Variants in RASGRF1 observed in about 807,000 individuals in gnomAD.
The protein encoded by RASGRF1 is ras-specific guanine nucleotide-releasing factor 1.
In RASGRF1, 40 loss-of-function variants were observed where a neutral mutation model predicts 138.7. The ratio of observed to expected loss-of-function variants is 0.29; its 90% CI spans 0.22 to 0.38. The LOEUF (loss-of-function observed/expected upper bound fraction) is 0.38, where lower values mean the gene tolerates loss of function less well. Ranked by LOEUF, RASGRF1 falls within the 10% of genes least tolerant of loss-of-function variation. RASGRF1 has a pLI of 1.00. For missense variants in RASGRF1, 1,108 were observed against 1,650.4 expected (o/e 0.67, Z 5.69); for synonymous variants, 614 against 663.2 (o/e 0.93, Z 1.14).
rs927993718 is a variant in RASGRF1 at position 79,068,613 on chromosome 15, T to C, written c.277-4087A>G. On this transcript the variant is annotated intron_variant, in intron 1 of 26. Coordinates refer to ENST00000558480, the MANE Select transcript of RASGRF1 (RefSeq NM_001145648.3). ...ATATATATTTATATATATGTGTATATATACACACACACACACGCTTTTATA... is the reference window on the plus strand; with the variant it reads ...ATATATATTTATATATATGTGTATACATACACACACACACACGCTTTTATA... Among the ~76,000 whole-genome samples, 22 of 146,832 alleles carry C rather than the reference T, an allele frequency of 1.5e-4. No homozygotes were observed. In the East Asian group the frequency reaches 4.2e-3, roughly 28 times the overall value.
intron 1 of RASGRF1, among the ~76,000 whole-genome samples, chr15:79,066,116 T>C (rs1438730080): frequency 6.6e-6 from 1 of 152,036 alleles, no homozygotes; most frequent in African/African-American, 2.4e-5. Flanking sequence ...AGGTGACACA[T>C]AGTGGCAGGC....
chr15:78,995,128 C>T (rs2056363214), intron 20 of RASGRF1, among the ~76,000 whole-genome samples: 1 of 151,954 alleles, frequency 6.6e-6, no homozygotes, highest in Non-Finnish European at 1.5e-5. Flanking sequence ...AGGGTTTCAC[C>T]ATGTTGCCCA....
In RASGRF1 at chr15:78,973,068, G is replaced by T. The variant is rs2055801780; in HGVS notation, c.3612+235C>A. Among the ~76,000 whole-genome samples, 1 of 152,184 alleles carries T rather than the reference G, an allele frequency of 6.6e-6. No homozygotes were observed. Among genetic ancestry groups the T allele is most frequent in the Non-Finnish European group, 1.5e-5 (1 of 68,024 alleles). On this transcript the variant is annotated intron_variant, in intron 25 of 26. Coordinates refer to ENST00000558480, the MANE Select transcript of RASGRF1 (RefSeq NM_001145648.3). The surrounding 1 kb of genome is among the most constrained non-coding windows in gnomAD (Gnocchi z 4.9). ...GAATAAGAAGAGCAGCTACCTCTCA[G>T]ACTGTCAGGACTAGAGGAGGAAATG... is the stretch of plus-strand genomic sequence containing the variant.
chr15:78,990,856 G>C (rs1390131201), intron 21 of RASGRF1, among the ~76,000 whole-genome samples: 1 of 152,194 alleles, frequency 6.6e-6, no homozygotes, highest in Non-Finnish European at 1.5e-5. Flanking sequence ...GACATATCAG[G>C]AATATCATCT....
intron 23 of RASGRF1, chr15:78,981,043 G>C (rs1329344831): frequency 1.0e-5 from 2 of 198,696 alleles, no homozygotes; most frequent in Non-Finnish European, 2.0e-5. Context: ...GCTCAGAGCA[G>C]GAAATGGCAG....
chr15:78,982,357 T>C (rs1182288568), intron 23 of RASGRF1, among the ~76,000 whole-genome samples: 2 of 152,162 alleles, frequency 1.3e-5, no homozygotes, highest in Non-Finnish European at 2.9e-5. Context: ...CCGTGCTTGC[T>C]GTGTATGGAT....
chr15:79,003,736 T>C, intron 15 of RASGRF1, 66 bp downstream of exon 15: 1 of 1,520,008 alleles, frequency 6.6e-7, no homozygotes. Context: ...GAGGCCTTGC[T>C]GGGCCAGGCT....
chr15:79,076,371 G>T (rs1199377310), intron 1 of RASGRF1, among the ~76,000 whole-genome samples: 1 of 152,166 alleles, frequency 6.6e-6, no homozygotes, highest in South Asian at 2.1e-4. Context: ...CCCAGAGTTT[G>T]GAACCCCTGA....
chr15:78,983,026 G>A (rs1288594187), intron 23 of RASGRF1, among the ~76,000 whole-genome samples: 1 of 152,228 alleles, frequency 6.6e-6, no homozygotes, highest in African/African-American at 2.4e-5. Context: ...GCTATGGTGA[G>A]CACATTTAAG....
At chr15:78,999,522 C>T (rs1043445671) in intron 17 of RASGRF1, among the ~76,000 whole-genome samples, 2 of 152,050 alleles carry the variant, frequency 1.3e-5, no homozygotes, top group African/African-American at 4.8e-5. Flanking sequence ...GGTGCCCAAG[C>T]CAAAATAATG....
rs1447241395 is a variant in RASGRF1, at chr15:79,032,468, C to T, written c.959-152G>A. ...ACATCTCTGCTCTTGGGGATGACTC[C>T]AGTACCACTGCCCTATCCAGTGCTA... On this transcript the variant is annotated intron_variant, in intron 6 of 26. Transcript: ENST00000558480. This position sits in a 1 kb window ranked among gnomAD's most constrained non-coding sequence, Gnocchi z 4.5. 1 of 697,364 alleles carries T rather than the reference C, an allele frequency of 1.4e-6. No individual in the cohort carries two copies. Among genetic ancestry groups the T allele is most frequent in the African/African-American group, 1.8e-5 (1 of 55,776 alleles). 43.2% of individuals were successfully genotyped at this position (697,364 alleles called of 1,614,324 possible).
In RASGRF1 at chr15:79,050,656, G is replaced by A. The variant is rs974776357; in HGVS notation, c.532-1068C>T. Among the ~76,000 whole-genome samples, 5 of 152,162 alleles carry A rather than the reference G, an allele frequency of 3.3e-5. No individual in the cohort carries two copies. The highest frequency in any genetic ancestry group is 7.2e-5 in the African/African-American group (3 of 41,430). On this transcript the variant is annotated intron_variant, in intron 3 of 26. Transcript: ENST00000558480. The surrounding 1 kb of genome is among the most constrained non-coding windows in gnomAD (Gnocchi z 4.1). The stretch of plus-strand genomic sequence containing the variant: ...GCATAATTTGGGGATCACAGATGTC[G>A]ACATAGCTGCAAGAACAAAACCAAG...
Position 78,999,739 on chromosome 15 carries a change from A to T in RASGRF1, c.2746+4T>A, listed in dbSNP as rs769260174. Reference sequence around the variant, plus strand: ...ACCCTGTGAGTGGAGAACACCCCACATACCTGCACTGGCTAAGGACATCCT... The same window carrying T: ...ACCCTGTGAGTGGAGAACACCCCACTTACCTGCACTGGCTAAGGACATCCT... On this transcript the variant is annotated splice_donor_region_variant and intron_variant, in intron 17 of 26. Transcript: ENST00000558480. The T allele has an allele frequency of 1.5e-5, 24 of 1,612,896 alleles. No homozygotes were observed. The highest frequency in any genetic ancestry group is 2.0e-5 in the Non-Finnish European group (24 of 1,179,630).
intron 23 of RASGRF1, among the ~76,000 whole-genome samples, chr15:78,982,346 C>T (rs2056053140): frequency 6.6e-6 from 1 of 152,140 alleles, no homozygotes; most frequent in Non-Finnish European, 1.5e-5. Context: ...CCTCCACATC[C>T]CCGTGCTTGC....
rs533309709 is a variant in RASGRF1, at chr15:79,035,783, T to C, written c.879-573A>G. Among the ~76,000 whole-genome samples, 23 of 151,988 alleles carry C rather than the reference T, an allele frequency of 1.5e-4. 1 individual carries two copies. In the South Asian group the frequency reaches 4.2e-3, roughly 28 times the overall value. On this transcript the variant is annotated intron_variant, in intron 5 of 26. Coordinates refer to ENST00000558480, the MANE Select transcript of RASGRF1 (RefSeq NM_001145648.3). ...TAAAATATGAAGGTGAAATGAGGAA[T>C]CCCCTGGAAGCAATGGGACAATTCG... is the stretch of plus-strand genomic sequence containing the variant.
intron 19 of RASGRF1, 101 bp from the exon 20 acceptor site, chr15:78,995,901 G>A: frequency 1.8e-6 from 2 of 1,116,468 alleles, no homozygotes; most frequent in Admixed American, 1.8e-5. Flanking sequence ...ACGCCCCTCT[G>A]TCCTCGTCAT....
In RASGRF1 at chr15:78,999,842, C is replaced by CACA; in HGVS notation, c.2646_2647insTGT (p.Ser882_Ala883insCys). The stretch of plus-strand genomic sequence containing the variant: ...GCAAAGGCAGAGGCGGCCGACAAGG[C>CACA]ACTGCGGTTATTGTCCAGTTCACGA... On this transcript the variant is annotated inframe_insertion, in exon 17 of 27. Coordinates refer to ENST00000558480, the MANE Select transcript of RASGRF1 (RefSeq NM_001145648.3). 6.2e-7 allele frequency: 1 copy of CACA among 1,614,162 alleles called. No homozygotes were observed. The highest frequency in any genetic ancestry group is 8.5e-7 in the Non-Finnish European group (1 of 1,179,994).
At chr15:79,066,397 C>A (rs548316496) in intron 1 of RASGRF1, among the ~76,000 whole-genome samples, 1 of 152,342 alleles carries the variant, frequency 6.6e-6, no homozygotes, top group Non-Finnish European at 1.5e-5. Flanking sequence ...GGCAAAGTCC[C>A]CACCTCAGGG....
intron 3 of RASGRF1, among the ~76,000 whole-genome samples, chr15:79,049,852 C>A (rs1456828367): frequency 6.6e-6 from 1 of 152,136 alleles, no homozygotes; most frequent in Non-Finnish European, 1.5e-5. Flanking sequence ...ACCAGAGTGA[C>A]CTTGGACGAA....
Sources: gnomAD v4.1 joint callset for allele counts (sites outside exome capture counted in the v4.1 genomes callset) on GRCh38, gnomAD v4.1.1 for gene constraint, Gnocchi (gnomAD v3.1) non-coding constraint, MANE v1.5 for transcripts, NCBI Gene and HGNC (gene_info 2026-07-23, HGNC 2026-07-21) for gene names.